Variants in TEX11 observed in about 807,000 individuals in gnomAD.
TEX11 encodes testis-expressed protein 11.
In TEX11, 7 loss-of-function variants were observed where a neutral mutation model predicts 84.4. The ratio of observed to expected loss-of-function variants is 0.08; its 90% CI spans 0.05 to 0.16. The LOEUF (loss-of-function observed/expected upper bound fraction) is 0.16, where lower values mean the gene tolerates loss of function less well. TEX11 is among the 10% of genes least tolerant of loss of function. TEX11 has a pLI of 1.00. For synonymous variants in TEX11, 264 were observed against 222.8 expected (o/e 1.18, Z -1.64); for missense variants, 551 against 660.5 (o/e 0.83, Z 1.82).
chrX:70,701,962 T>A (rs183635630), intron 13 of TEX11, among the ~76,000 whole-genome samples: 1 of 112,031 alleles, frequency 8.9e-6, no homozygotes, highest in East Asian at 2.8e-4. Flanking sequence ...GGATGAGAAG[T>A]TGCTTCTTAT....
intron 2 of TEX11, among the ~76,000 whole-genome samples, chrX:70,889,910 A>G (rs778251375): frequency 8.9e-6 from 1 of 111,932 alleles, no homozygotes; most frequent in Admixed American, 9.6e-5. Flanking sequence ...AAAATAAATA[A>G]CAAAATGGCA....
At chrX:70,658,019 T>C (rs1355429407) in intron 16 of TEX11, among the ~76,000 whole-genome samples, 16 of 106,708 alleles carry the variant, frequency 1.5e-4, no homozygotes, top group Admixed American at 4.0e-4. Context: ...GGCACATGTA[T>C]ACATATGTAA....
At chrX:70,600,610 C>G (rs376891508) in intron 24 of TEX11, among the ~76,000 whole-genome samples, 19,178 of 102,460 alleles carry the variant, frequency 0.19, 1,731 homozygotes, top group African/African-American at 0.22. Context: ...TGACCACATA[C>G]TTGGAAGTAA....
chrX:70,805,549 T>C (rs1244241642), intron 9 of TEX11, among the ~76,000 whole-genome samples: 4 of 110,643 alleles, frequency 3.6e-5, no homozygotes, highest in African/African-American at 1.3e-4. Context: ...TACAGGCCTG[T>C]GCCACCACAC....
chrX:70,806,742 T>C lies in TEX11; in HGVS notation c.655A>G (p.Lys219Glu). ...GAACTTTCTTCATATTTATTATTCT[T>C]CTGGGTTTCTACTCCAAAGTTGTAA... Reference protein sequence around the residue: ...LCYNFGVETQKNNKYEESSFW... With the variant: ...LCYNFGVETQENNKYEESSFW... The change falls in exon 9 of 30, where the codon AAG (lysine) becomes GAG (glutamate). Residue 219 changes from lysine (K) to glutamate (E), a missense_variant. Lys to Glu is a moderately conservative substitution (Grantham distance 56, BLOSUM62 1). Coordinates refer to ENST00000374333, the MANE Select transcript of TEX11 (RefSeq NM_031276.3). The C allele has an allele frequency of 8.4e-7, 1 of 1,191,262 alleles. No homozygotes were observed. The highest frequency in any genetic ancestry group is 1.1e-6 in the Non-Finnish European group (1 of 882,344).
chrX:70,574,551 T>C (rs866674155), intron 25 of TEX11, among the ~76,000 whole-genome samples: 5 of 111,612 alleles, frequency 4.5e-5, no homozygotes, highest in African/African-American at 1.6e-4. Flanking sequence ...CAAAACACTC[T>C]AAGACTAAAA....
intron 15 of TEX11, among the ~76,000 whole-genome samples, chrX:70,675,284 C>T (rs1335143957): frequency 8.9e-6 from 1 of 112,223 alleles, no homozygotes; most frequent in East Asian, 2.8e-4. Context: ...GTGTAAGTTT[C>T]CTTCTGCTCA....
chrX:70,644,893 G>A (rs1184426879), intron 17 of TEX11, among the ~76,000 whole-genome samples: 1 of 104,791 alleles, frequency 9.5e-6, no homozygotes, highest in African/African-American at 3.5e-5. Context: ...TGCACAATGT[G>A]CACATGTACC....
At chrX:70,609,216 T>A in intron 21 of TEX11, 39 bp from the exon 22 acceptor site, 3 of 1,103,099 alleles carry the variant, frequency 2.7e-6, no homozygotes, top group Non-Finnish European at 3.7e-6. Flanking sequence ...ATGGTCTTAT[T>A]TTATACTCTA....
At chrX:70,868,793 T>A (rs775807705) in intron 4 of TEX11, among the ~76,000 whole-genome samples, 4 of 109,819 alleles carry the variant, frequency 3.6e-5, no homozygotes, top group Admixed American at 3.0e-4. Flanking sequence ...AACCAAACAC[T>A]AAATGTTCTC....
chrX:70,723,512 A>C (rs997810024), intron 12 of TEX11, among the ~76,000 whole-genome samples: 3 of 111,730 alleles, frequency 2.7e-5, no homozygotes, highest in African/African-American at 9.7e-5. Flanking sequence ...TAAGAGAAAA[A>C]ATACTGAAAA....
At chrX:70,674,505 C>T (rs1012999390) in intron 15 of TEX11, among the ~76,000 whole-genome samples, 3 of 112,035 alleles carry the variant, frequency 2.7e-5, no homozygotes, top group Admixed American at 1.9e-4. Flanking sequence ...AACTAATTTA[C>T]ACTCCCACCA....
intron 9 of TEX11, among the ~76,000 whole-genome samples, chrX:70,782,645 CAA>C (rs780011355): frequency 4.8e-4 from 14 of 28,902 alleles, no homozygotes; most frequent in Admixed American, 1.4e-3. Flanking sequence ...AAATGGAAAG[CAA>C]AAAAAAAAAA....
At chrX:70,782,734 A>C (rs1188153440) in intron 9 of TEX11, among the ~76,000 whole-genome samples, 3 of 109,698 alleles carry the variant, frequency 2.7e-5, no homozygotes, top group African/African-American at 1.0e-4. Context: ...AAGACAAAGA[A>C]GGCCATTACA....
chrX:70,671,910 T>TATATATATATATATATATAC (rs57166359), intron 15 of TEX11, among the ~76,000 whole-genome samples: 5 of 67,963 alleles, frequency 7.4e-5, no homozygotes, highest in Non-Finnish European at 1.4e-4. Context: ...TATATATATA[T>TATATATATATATATATATAC]ACACACACAC....
chrX:70,668,281 A>AT (rs1427167008), intron 16 of TEX11, among the ~76,000 whole-genome samples: 1 of 112,705 alleles, frequency 8.9e-6, no homozygotes, highest in African/African-American at 3.2e-5. Flanking sequence ...ACATGGTTTC[A>AT]TAAATTTTCC....
At chrX:70,519,624 G>A in the TEX11 span, among the ~76,000 whole-genome samples, 1 of 111,359 alleles carries the variant, frequency 9.0e-6, no homozygotes, top group South Asian at 3.8e-4. Context: ...TATCTTAGTG[G>A]TGTTCTCGGA....
At chrX:70,671,910 T>TATATAG (rs57166359) in intron 15 of TEX11, among the ~76,000 whole-genome samples, 14 of 67,982 alleles carry the variant, frequency 2.1e-4, no homozygotes, top group Admixed American at 6.2e-4. Context: ...TATATATATA[T>TATATAG]ACACACACAC....
chrX:70,694,158 C>T (rs1411000345), intron 13 of TEX11, among the ~76,000 whole-genome samples: 1 of 111,043 alleles, frequency 9.0e-6, no homozygotes, highest in East Asian at 2.8e-4. Context: ...GATTCTCCTG[C>T]CTCAGCCTCC....
Sources: gnomAD v4.1 joint callset for allele counts (sites outside exome capture counted in the v4.1 genomes callset) on GRCh38, gnomAD v4.1.1 for gene constraint, MANE v1.5 for transcripts, NCBI Gene and HGNC (gene_info 2026-07-23, HGNC 2026-07-21) for gene names.